Variants in ZSWIM4 observed in about 807,000 individuals in gnomAD.
The protein encoded by ZSWIM4 is zinc finger SWIM-type containing 4, also known as zinc finger SWIM domain-containing protein 4.
ZSWIM4 carries 62 observed loss-of-function variants against 102.5 expected under a neutral mutation model. That is an observed-to-expected ratio of 0.60 (90% confidence interval 0.49 to 0.75). ZSWIM4 has a LOEUF of 0.75. ZSWIM4 is among the 30% of genes least tolerant of loss of function. The pLI is 0.00. For synonymous variants in ZSWIM4, 652 were observed against 674.5 expected (o/e 0.97, Z 0.52); for missense variants, 1,280 against 1,529.6 (o/e 0.84, Z 2.72).
At chr19:13,803,319 C>T (rs1045175955) in intron 2 of ZSWIM4, among the ~76,000 whole-genome samples, 1 of 152,208 alleles carries the variant, frequency 6.6e-6, no homozygotes, top group Non-Finnish European at 1.5e-5. Flanking sequence ...GAAGGGGACA[C>T]CTGGCCCCTG....
intron 3 of ZSWIM4, among the ~76,000 whole-genome samples, chr19:13,807,754 C>CATGGATGGATGGATGGATGGATGG (rs368459784): frequency 7.2e-6 from 1 of 139,218 alleles, no homozygotes; most frequent in African/African-American, 2.6e-5. Context: ...TGGATGGATG[C>CATGGATGGATGGATGGATGGATGG]ATGGATGGAT....
Position 13,825,351 on chromosome 19 carries a change from A to G in ZSWIM4, c.2216-199A>G, listed in dbSNP as rs555065230. Reference sequence around the variant, plus strand: ...CCCTAGGTGGCTTTCTGTAACAGGAAAGGGCCAGAGAGGAGATAATTGGCA... The same window carrying G: ...CCCTAGGTGGCTTTCTGTAACAGGAGAGGGCCAGAGAGGAGATAATTGGCA... On this transcript the variant is annotated intron_variant, in intron 11 of 13. Transcript: ENST00000590508. This position sits in a 1 kb window ranked among gnomAD's most constrained non-coding sequence, Gnocchi z 4.6. 1.3e-5 allele frequency among the ~76,000 whole-genome samples: 2 copies of G among 152,176 alleles called. No homozygotes were observed. Among genetic ancestry groups the G allele is most frequent in the South Asian group, 2.1e-4 (1 of 4,814 alleles).
intron 5 of ZSWIM4, among the ~76,000 whole-genome samples, chr19:13,812,309 T>A (rs1341509734): frequency 6.6e-6 from 1 of 151,952 alleles, no homozygotes; most frequent in Non-Finnish European, 1.5e-5. Context: ...TTTGTTTTGT[T>A]TTGAGATCGA....
chr19:13,830,564 C>G lies in ZSWIM4; in HGVS notation c.2835C>G (p.Ala945=). 1 of 1,599,706 alleles carries G rather than the reference C, an allele frequency of 6.3e-7. No homozygotes were observed. Among genetic ancestry groups the G allele is most frequent in the Non-Finnish European group, 8.5e-7 (1 of 1,179,696 alleles). The change falls in exon 14 of 14, where the codon GCC becomes GCG. Residue 945 remains alanine (A), a synonymous_variant. Transcript: ENST00000590508. ...GGGCCTACAAGCTGGCGACGCTGGC[C>G]CTGGCGCAGCTCAGCATCGCCTTCA... is the stretch of plus-strand genomic sequence containing the variant. ...PLRAYKLATL[A]LAQLSIAFNQ...
chr19:13,819,315 G>T (rs2063220994), intron 9 of ZSWIM4, 42 bp from the exon 10 acceptor site: 1 of 1,609,972 alleles, frequency 6.2e-7, no homozygotes, highest in African/African-American at 1.3e-5. Flanking sequence ...AAGGGCAGAG[G>T]CGAGCCCACA....
At chr19:13,823,239 C>T in intron 10 of ZSWIM4, 107 bp from the exon 11 acceptor site, 1 of 1,194,110 alleles carries the variant, frequency 8.4e-7, no homozygotes, top group Non-Finnish European at 1.2e-6. Context: ...GCTCTCAGGG[C>T]TCTGCTGGCT....
rs950697919 is a variant in ZSWIM4, at chr19:13,814,554, G to A, written c.1220G>A (p.Arg407His). ...GAAGAGGTGGCAGCCACAAGTCCCC[G>A]CCACACGGTATTTGGCCGCGCCTTG... ...EEEEVAATSP[R>H]HTVFGRALLA... Residue 407 changes from arginine to histidine, a missense_variant, in exon 7 of 14, where the codon CGC becomes CAC. Coordinates refer to ENST00000590508, the MANE Select transcript of ZSWIM4 (RefSeq NM_001367834.3). 2.8e-5 allele frequency: 32 copies of A among 1,158,948 alleles called. No individual in the cohort carries two copies. Among genetic ancestry groups the A allele is most frequent in the East Asian group, 7.3e-5 (1 of 13,700 alleles). 71.8% of individuals were successfully genotyped at this position (1,158,948 alleles called of 1,614,324 possible). A position where few individuals can be genotyped will look rare whatever the true frequency, so the allele number is the denominator to read the frequency against.
intron 5 of ZSWIM4, among the ~76,000 whole-genome samples, chr19:13,810,738 T>C (rs1975057931): frequency 6.6e-6 from 1 of 151,294 alleles, no homozygotes; most frequent in African/African-American, 2.4e-5. Flanking sequence ...GCCTCCCGAG[T>C]AGCTGGGACT....
intron 2 of ZSWIM4, among the ~76,000 whole-genome samples, chr19:13,800,403 C>T (rs12979676): frequency 0.41 from 62,458 of 150,678 alleles, 14,755 homozygotes; most frequent in African/African-American, 0.66. Flanking sequence ...GTAGCCGGGA[C>T]TACAGGCGCC....
intron 10 of ZSWIM4, among the ~76,000 whole-genome samples, chr19:13,821,862 A>G (rs558211231): frequency 2.8e-4 from 42 of 152,052 alleles, no homozygotes; most frequent in African/African-American, 9.9e-4. Flanking sequence ...TCAGCCTCCC[A>G]AGTAGCTGGG....
chr19:13,825,225 C>T lies in ZSWIM4; in HGVS notation c.2216-325C>T, dbSNP rs1334096106. Among the ~76,000 whole-genome samples, 1 of 151,942 alleles carries T rather than the reference C, an allele frequency of 6.6e-6. No homozygotes were observed. The highest frequency in any genetic ancestry group is 2.4e-5 in the African/African-American group (1 of 41,366). Reference sequence around the variant, plus strand: ...CAGCTAATTTTTGTAGATGGGGTTTCGCCATGTTGGCCAGGCTGGTCTCAA... The same window carrying T: ...CAGCTAATTTTTGTAGATGGGGTTTTGCCATGTTGGCCAGGCTGGTCTCAA... On this transcript the variant is annotated intron_variant, in intron 11 of 13. Transcript: ENST00000590508. This position sits in a 1 kb window ranked among gnomAD's most constrained non-coding sequence, Gnocchi z 4.6.
intron 10 of ZSWIM4, among the ~76,000 whole-genome samples, chr19:13,821,732 T>G (rs1975468074): frequency 6.6e-6 from 1 of 151,990 alleles, no homozygotes; most frequent in Non-Finnish European, 1.5e-5. Flanking sequence ...AATTTTTTTT[T>G]TTTTGAGAGG....
intron 2 of ZSWIM4, 150 bp downstream of exon 2, chr19:13,800,071 T>TTTTTTTTTG (rs1974719908): frequency 4.2e-6 from 3 of 712,096 alleles, no homozygotes; most frequent in Non-Finnish European, 6.5e-6. Context: ...CAAGATTTTT[T>TTTTTTTTTG]TTTTTTTTTT....
Position 13,805,042 on chromosome 19 carries a change from G to C in ZSWIM4, c.606G>C (p.Lys202Asn). Residue 202 changes from lysine to asparagine, a missense_variant, in exon 3 of 14, where the codon AAG becomes AAC. Lys to Asn is a moderately conservative substitution (Grantham distance 94, BLOSUM62 0). Coordinates refer to ENST00000590508, the MANE Select transcript of ZSWIM4 (RefSeq NM_001367834.3). ...LSQMNRDQLQ[K>N]FVQYLISAHH... Reference sequence around the variant, plus strand: ...AGATGAACCGGGACCAGCTGCAGAAGTTCGTGCAGTACCTCATCAGCGCCC... The same window carrying C: ...AGATGAACCGGGACCAGCTGCAGAACTTCGTGCAGTACCTCATCAGCGCCC... 6.2e-7 allele frequency: 1 copy of C among 1,610,978 alleles called. No homozygotes were observed. The highest frequency in any genetic ancestry group is 1.1e-5 in the South Asian group (1 of 91,080).
At chr19:13,806,882 C>A (rs345628) in intron 3 of ZSWIM4, among the ~76,000 whole-genome samples, 1 of 151,610 alleles carries the variant, frequency 6.6e-6, no homozygotes, top group African/African-American at 2.4e-5. Flanking sequence ...GGATCAACAT[C>A]GTGGGTGGGC....
chr19:13,806,928 G>A (rs1172930499), intron 3 of ZSWIM4, among the ~76,000 whole-genome samples: 1 of 152,062 alleles, frequency 6.6e-6, no homozygotes, highest in Non-Finnish European at 1.5e-5. Context: ...GTGGATGGAT[G>A]GACGAATGGG....
intron 2 of ZSWIM4, 99 bp downstream of exon 2, chr19:13,800,020 A>T: frequency 7.2e-6 from 8 of 1,110,152 alleles, no homozygotes; most frequent in East Asian, 2.9e-5. Flanking sequence ...AGGGGATGGG[A>T]GGTTACAGAC....
chr19:13,810,766 C>A (rs960731943), intron 5 of ZSWIM4, among the ~76,000 whole-genome samples: 1 of 151,666 alleles, frequency 6.6e-6, no homozygotes, highest in Non-Finnish European at 1.5e-5. Context: ...CCCACCACCA[C>A]GCCCGGCTAA....
intron 2 of ZSWIM4, 101 bp downstream of exon 2, chr19:13,800,022 G>A (rs1188044457): frequency 4.3e-6 from 5 of 1,159,612 alleles, no homozygotes; most frequent in Non-Finnish European, 6.0e-6. Context: ...GGGATGGGAG[G>A]TTACAGACCT....
Sources: allele counts gnomAD v4.1 joint callset (sites outside exome capture counted in the v4.1 genomes callset), GRCh38; gene constraint gnomAD v4.1.1; non-coding constraint Gnocchi (gnomAD v3.1); transcripts MANE v1.5; gene names NCBI Gene and HGNC (gene_info 2026-07-23, HGNC 2026-07-21).